SBNO2: variants seen among roughly 807,000 people sequenced by gnomAD.
The protein encoded by SBNO2 is protein strawberry notch homolog 2.
In SBNO2, 89 loss-of-function variants were observed where a neutral mutation model predicts 146.3. The observed-to-expected ratio is 0.61, with a 90% CI of 0.51 to 0.73. SBNO2 has a LOEUF of 0.73. Among genes scored for constraint, SBNO2 ranks in the 30% least tolerant of loss-of-function variants. The probability of loss-of-function intolerance (pLI) is 0.00; values close to 1 mark genes in which losing one functional copy is unlikely to be tolerated. For synonymous variants in SBNO2, 1,147 were observed against 892.6 expected (o/e 1.29, Z -5.08); for missense variants, 2,092 against 2,003.7 (o/e 1.04, Z -0.84).
In SBNO2 at chr19:1,135,416, C is replaced by T. The variant is rs72975594; in HGVS notation, c.280-7651G>A. On this transcript the variant is annotated intron_variant, in intron 4 of 31. Coordinates refer to ENST00000361757, the MANE Select transcript of SBNO2 (RefSeq NM_014963.3). ...GAATTTTGTCTCAGTTTTTAAAAGA[C>T]CTGGAAAGCAACGAAACAGAAAGAA... Among the ~76,000 whole-genome samples the T allele has an allele frequency of 3.9e-3, 587 of 152,288 alleles. 3 individuals carry two copies. Among genetic ancestry groups the T allele is most frequent in the Non-Finnish European group, 7.0e-3 (478 of 68,024 alleles).
At chr19:1,152,441 CG>C (rs2080251358) in intron 2 of SBNO2, among the ~76,000 whole-genome samples, 1 of 152,146 alleles carries the variant, frequency 6.6e-6, no homozygotes, top group Non-Finnish European at 1.5e-5. Context: ...AAGCTCCTGG[CG>C]GGTTTCGGGG....
chr19:1,112,362 G>A lies in SBNO2; in HGVS notation c.2515+40C>T. The A allele has an allele frequency of 6.4e-7, 1 of 1,571,624 alleles. No individual in the cohort carries two copies. The highest frequency in any genetic ancestry group is 2.3e-5 in the East Asian group (1 of 43,142). On this transcript the variant is annotated intron_variant, in intron 21 of 31. Coordinates refer to ENST00000361757, the MANE Select transcript of SBNO2 (RefSeq NM_014963.3). The surrounding 1 kb of genome is among the most constrained non-coding windows in gnomAD (Gnocchi z 5.9). ...GGGGGCGGGGCCGAGACCATGTTGG[G>A]GGCGGGGCCAGGCAGCGCTGGGGGC...
intron 4 of SBNO2, among the ~76,000 whole-genome samples, chr19:1,131,251 C>A (rs576031590): frequency 6.6e-6 from 1 of 152,184 alleles, no homozygotes; most frequent in Admixed American, 6.5e-5. Flanking sequence ...CCCAGGGAAC[C>A]GGGCCCCTCT....
At chr19:1,117,596 C>T (rs2079848994) in intron 14 of SBNO2, 97 bp from the exon 15 acceptor site, 56 of 1,301,812 alleles carry the variant, frequency 4.3e-5, no homozygotes, top group Middle Eastern at 2.4e-4. Context: ...AAGGCATCCC[C>T]ACGCCAGGTG....
intron 4 of SBNO2, among the ~76,000 whole-genome samples, chr19:1,130,908 G>A (rs752988059): frequency 1.3e-5 from 2 of 152,192 alleles, no homozygotes; most frequent in Admixed American, 6.5e-5. Context: ...TCCCAGCACA[G>A]GACACCCCAC....
At chr19:1,137,252 G>T (rs1459309587) in intron 4 of SBNO2, among the ~76,000 whole-genome samples, 2 of 51,340 alleles carry the variant, frequency 3.9e-5, no homozygotes, top group Admixed American at 4.2e-4. Context: ...TACAGTGGGG[G>T]GAGGCTCAGG....
At chr19:1,172,200 C>T (rs1221821154) in intron 1 of SBNO2, among the ~76,000 whole-genome samples, 1 of 152,224 alleles carries the variant, frequency 6.6e-6, no homozygotes, top group Non-Finnish European at 1.5e-5. Context: ...CCAAGTCCTT[C>T]CCTCTCCAAG....
rs918574639 is a variant in SBNO2, at chr19:1,108,616, G to A, written c.3705C>T (p.Ala1235=). Residue 1235 remains alanine (A), a synonymous_variant, in exon 32 of 32, where the codon GCC becomes GCT. Coordinates refer to ENST00000361757, the MANE Select transcript of SBNO2 (RefSeq NM_014963.3). ...DADVKRRQAP[A]LGCPAPPAPR... ...GGGCGGGCGGGGCGGGGCAGCCCAG[G>A]GCGGGCGCCTGCCTGCGCTTCACGT... The A allele has an allele frequency of 3.5e-6, 5 of 1,434,242 alleles. No homozygotes were observed. The African/African-American group carries it at 6.0e-5, about 17-fold the overall frequency. The allele number at this position is 1,434,242 out of a possible 1,614,324, so 88.8% of individuals were successfully genotyped here.
chr19:1,110,633 C>A lies in SBNO2; in HGVS notation c.3028+112G>T, dbSNP rs900953182. 1.3e-5 allele frequency: 17 copies of A among 1,347,678 alleles called. 1 individual carries two copies. In the East Asian group the frequency reaches 4.5e-4, roughly 35 times the overall value. 83.5% of individuals were successfully genotyped at this position (1,347,678 alleles called of 1,614,324 possible). A position where few individuals can be genotyped will look rare whatever the true frequency, so the allele number is the denominator to read the frequency against. ...ACGGTGTTCCCACGAGCCCCTCGCCCACCCGGGATGCCCGGTGTTCCCACG... is the reference window on the plus strand; with the variant it reads ...ACGGTGTTCCCACGAGCCCCTCGCCAACCCGGGATGCCCGGTGTTCCCACG... On this transcript the variant is annotated intron_variant, in intron 26 of 31. Coordinates refer to ENST00000361757, the MANE Select transcript of SBNO2 (RefSeq NM_014963.3). This position sits in a 1 kb window ranked among gnomAD's most constrained non-coding sequence, Gnocchi z 4.9.
chr19:1,167,348 G>C (rs999277194), intron 1 of SBNO2, among the ~76,000 whole-genome samples: 1 of 152,232 alleles, frequency 6.6e-6, no homozygotes, highest in African/African-American at 2.4e-5. Flanking sequence ...AGGTCCAGGT[G>C]GGCTGGCTGC....
In SBNO2 at chr19:1,109,661, G is replaced by C. The variant is rs745314887; in HGVS notation, c.3123+22C>G. 4 of 1,605,958 alleles carry C rather than the reference G, an allele frequency of 2.5e-6. No homozygotes were observed. The highest frequency in any genetic ancestry group is 2.6e-6 in the Non-Finnish European group (3 of 1,176,312). On this transcript the variant is annotated intron_variant, in intron 27 of 31. Transcript: ENST00000361757. The surrounding 1 kb of genome is among the most constrained non-coding windows in gnomAD (Gnocchi z 4.2). ...GGGGCGGGGTGGGCAGAGTGTGAGG[G>C]GCTGTGGGGCTTCCTGCTGACCTTG... is the stretch of plus-strand genomic sequence containing the variant.
At position 1,119,588 on chromosome 19, in the gene SBNO2, C is replaced by T; in HGVS notation, c.1301G>A (p.Ser434Asn). 1.2e-6 allele frequency: 2 copies of T among 1,611,318 alleles called. No individual in the cohort carries two copies. Among genetic ancestry groups the T allele is most frequent in the Non-Finnish European group, 8.5e-7 (1 of 1,179,000 alleles). Residue 434 changes from serine to asparagine, a missense_variant, in exon 13 of 32, where the codon AGC becomes AAC. Transcript: ENST00000361757. Reference protein sequence around the residue: ...ASEPRNMIYMSRLGIWGEGTP... With the variant: ...ASEPRNMIYMNRLGIWGEGTP... ...GCCCTCGCCCCAGATACCCAAGCGGCTCATGTAGATCATGTTCCGAGGCTC... is the reference window on the plus strand; with the variant it reads ...GCCCTCGCCCCAGATACCCAAGCGGTTCATGTAGATCATGTTCCGAGGCTC...
intron 1 of SBNO2, among the ~76,000 whole-genome samples, chr19:1,154,809 G>A (rs76749385): frequency 0.052 from 7,967 of 152,236 alleles, 373 homozygotes; most frequent in East Asian, 0.25. Context: ...CGGCACCCAG[G>A]GGAGCCCAGG....
chr19:1,124,331 A>G (rs1193102419), intron 5 of SBNO2, among the ~76,000 whole-genome samples: 2 of 152,184 alleles, frequency 1.3e-5, no homozygotes, highest in African/African-American at 2.4e-5. Context: ...GCTAGTTCTG[A>G]CAGACAACAC....
intron 1 of SBNO2, among the ~76,000 whole-genome samples, chr19:1,160,042 C>T (rs1219726433): frequency 5.9e-5 from 9 of 152,140 alleles, no homozygotes; most frequent in Non-Finnish European, 1.2e-4. Context: ...TGCCCCGCCA[C>T]GCGGCCACAT....
chr19:1,160,847 C>T (rs1459075219), intron 1 of SBNO2, among the ~76,000 whole-genome samples: 1 of 151,958 alleles, frequency 6.6e-6, no homozygotes, highest in African/African-American at 2.4e-5. Flanking sequence ...AAATCATTTT[C>T]ATAGTAACAT....
chr19:1,156,693 G>C (rs1351418964), intron 1 of SBNO2, among the ~76,000 whole-genome samples: 9 of 152,158 alleles, frequency 5.9e-5, no homozygotes, highest in Admixed American at 5.9e-4. Context: ...GGCCGACCTA[G>C]GCCACAGCGC....
At position 1,122,645 on chromosome 19, in the gene SBNO2, G is replaced by A; in HGVS notation, c.914+13C>T. 8.5e-7 allele frequency: 1 copy of A among 1,183,014 alleles called. No homozygotes were observed. The highest frequency in any genetic ancestry group is 2.2e-5 in the African/African-American group (1 of 45,638). 73.3% of individuals were successfully genotyped at this position (1,183,014 alleles called of 1,614,324 possible). On this transcript the variant is annotated intron_variant, in intron 9 of 31. Coordinates refer to ENST00000361757, the MANE Select transcript of SBNO2 (RefSeq NM_014963.3). Reference sequence around the variant, plus strand: ...ACCCCCGCTCCCGCCCCCTGCCCCAGGCAGGGCCTCACCACAATGCTTTCT... The same window carrying A: ...ACCCCCGCTCCCGCCCCCTGCCCCAAGCAGGGCCTCACCACAATGCTTTCT...
At chr19:1,114,205 G>T in intron 18 of SBNO2, 26 bp downstream of exon 18, 1 of 1,422,606 alleles carries the variant, frequency 7.0e-7, no homozygotes, top group East Asian at 2.8e-5. Context: ...CCCACAGGTG[G>T]CTGGCCAGCC....
Sources: allele counts gnomAD v4.1 joint callset (sites outside exome capture counted in the v4.1 genomes callset), GRCh38; gene constraint gnomAD v4.1.1; non-coding constraint Gnocchi (gnomAD v3.1); transcripts MANE v1.5; gene names NCBI Gene and HGNC (gene_info 2026-07-23, HGNC 2026-07-21).